Variants in PRKG1 observed in about 807,000 individuals in gnomAD.
PRKG1 encodes the protein protein kinase cGMP-dependent 1, also known as cGMP-dependent protein kinase 1.
PRKG1 carries 35 observed loss-of-function variants against 88.1 expected under a neutral mutation model. That is an observed-to-expected ratio of 0.40 (90% CI 0.30 to 0.53). The LOEUF (loss-of-function observed/expected upper bound fraction) is 0.53. PRKG1 is among the 20% of genes least tolerant of loss of function. The probability of loss-of-function intolerance (pLI) is 0.59; values close to 1 mark genes in which losing one functional copy is unlikely to be tolerated. For missense variants in PRKG1, 540 were observed against 839.8 expected (o/e 0.64, Z 4.41); for synonymous variants, 303 against 292.5 (o/e 1.04, Z -0.37).
chr10:51,636,878 T>C (rs917723205), intron 3 of PRKG1, among the ~76,000 whole-genome samples: 2 of 152,196 alleles, frequency 1.3e-5, no homozygotes, highest in Non-Finnish European at 2.9e-5. Flanking sequence ...TACTTGATGG[T>C]TTACTTTCCT....
intron 10 of PRKG1, among the ~76,000 whole-genome samples, chr10:52,268,923 A>G (rs1041633240): frequency 5.9e-5 from 9 of 151,974 alleles, no homozygotes; most frequent in East Asian, 3.9e-4. Flanking sequence ...CTCAGCTAGA[A>G]CTAGGGCTCA....
At chr10:51,907,642 G>A (rs1589410338) in intron 5 of PRKG1, 72 bp downstream of exon 5, 1 of 1,336,730 alleles carries the variant, frequency 7.5e-7, no homozygotes, top group East Asian at 2.3e-5. Flanking sequence ...TCACAGCTGT[G>A]TGATGAGGAA....
At chr10:51,316,109 A>G (rs1425659081) in intron 2 of PRKG1, among the ~76,000 whole-genome samples, 1 of 152,194 alleles carries the variant, frequency 6.6e-6, no homozygotes, top group Non-Finnish European at 1.5e-5. Flanking sequence ...TCTGTTTTCA[A>G]CAAACTTTTG....
chr10:51,268,168 G>T (rs560138322), intron 2 of PRKG1, among the ~76,000 whole-genome samples: 1 of 152,112 alleles, frequency 6.6e-6, no homozygotes, highest in African/African-American at 2.4e-5. Context: ...ATAGAGTGTG[G>T]GTCACAGAGA....
In PRKG1 at chr10:52,034,164, T is replaced by A. The variant is rs371253266; in HGVS notation, c.763-20320T>A. The stretch of plus-strand genomic sequence containing the variant: ...GGCCATCTGGGCGTACATGTGCAAA[T>A]CACAGGGGATGCCATGGCTTGGCTT... On this transcript the variant is annotated intron_variant, in intron 5 of 17. Coordinates refer to ENST00000373980, the MANE Select transcript of PRKG1 (RefSeq NM_006258.4). Among the ~76,000 whole-genome samples the A allele has an allele frequency of 5.9e-5, 9 of 152,084 alleles. No individual in the cohort carries two copies. The South Asian group carries it at 1.2e-3, about 21-fold the overall frequency.
At chr10:51,829,473 C>A (rs1372050159) in intron 4 of PRKG1, among the ~76,000 whole-genome samples, 1 of 152,002 alleles carries the variant, frequency 6.6e-6, no homozygotes, top group African/African-American at 2.4e-5. Flanking sequence ...AAGATAAAAT[C>A]TATGAAATAT....
chr10:52,058,183 C>T (rs1846154374), intron 6 of PRKG1, among the ~76,000 whole-genome samples: 1 of 151,962 alleles, frequency 6.6e-6, no homozygotes, highest in South Asian at 2.1e-4. Flanking sequence ...ATTGGTCACA[C>T]TTGCTATCTA....
chr10:51,304,139 T>A (rs942289986), intron 2 of PRKG1, among the ~76,000 whole-genome samples: 1 of 152,114 alleles, frequency 6.6e-6, no homozygotes, highest in African/African-American at 2.4e-5. Context: ...TAAAACATTG[T>A]AAATGATCAT....
chr10:51,876,911 C>A (rs145213100), intron 4 of PRKG1, among the ~76,000 whole-genome samples: 96 of 152,296 alleles, frequency 6.3e-4, no homozygotes, highest in African/African-American at 2.1e-3. Context: ...CAGTTCCCCA[C>A]AATGGAAATT....
chr10:52,066,361 C>A (rs1037531818), intron 7 of PRKG1, among the ~76,000 whole-genome samples: 9 of 152,256 alleles, frequency 5.9e-5, no homozygotes, highest in Admixed American at 1.3e-4. Context: ...TTGCATAATA[C>A]CTCAATGAAA....
At chr10:51,529,548 C>T (rs1279573714) in intron 3 of PRKG1, among the ~76,000 whole-genome samples, 1 of 152,116 alleles carries the variant, frequency 6.6e-6, no homozygotes, top group Non-Finnish European at 1.5e-5. Context: ...AATATACTTG[C>T]CTTCCTTTCC....
intron 9 of PRKG1, among the ~76,000 whole-genome samples, chr10:52,193,540 C>T (rs1163579703): frequency 1.5e-4 from 15 of 102,458 alleles, no homozygotes; most frequent in African/African-American, 6.0e-4. Context: ...AAGAGTGAGA[C>T]TCTGTCTCAA....
At chr10:52,026,187 G>C (rs913945032) in intron 5 of PRKG1, among the ~76,000 whole-genome samples, 5 of 152,052 alleles carry the variant, frequency 3.3e-5, no homozygotes, top group African/African-American at 1.2e-4. Context: ...AAAAAATACC[G>C]TGGGGATTTA....
At chr10:51,796,883 C>T (rs948269277) in intron 3 of PRKG1, among the ~76,000 whole-genome samples, 12 of 152,150 alleles carry the variant, frequency 7.9e-5, no homozygotes, top group Admixed American at 7.2e-4. Flanking sequence ...TTCATAAATA[C>T]CCGCTTATGT....
At chr10:51,896,815 T>G (rs1384645402) in intron 4 of PRKG1, among the ~76,000 whole-genome samples, 1 of 152,106 alleles carries the variant, frequency 6.6e-6, no homozygotes, top group African/African-American at 2.4e-5. Flanking sequence ...ATAAGGAGTT[T>G]AAACTTTTAT....
At chr10:51,172,117 C>T (rs1208396399) in intron 2 of PRKG1, among the ~76,000 whole-genome samples, 3 of 151,878 alleles carry the variant, frequency 2.0e-5, no homozygotes, top group African/African-American at 7.2e-5. Flanking sequence ...CATTTGCTTC[C>T]AAATAACAAT....
intron 1 of PRKG1, among the ~76,000 whole-genome samples, chr10:51,020,747 T>C (rs1843124892): frequency 6.6e-6 from 1 of 152,160 alleles, no homozygotes; most frequent in African/African-American, 2.4e-5. Flanking sequence ...CAGCAGGATT[T>C]TCACCAGCTT....
intron 5 of PRKG1, among the ~76,000 whole-genome samples, chr10:51,960,129 T>TTG (rs1301245670): frequency 6.6e-6 from 1 of 151,834 alleles, no homozygotes; most frequent in Non-Finnish European, 1.5e-5. Context: ...TTCCTTTTTT[T>TTG]TTTTTTAAGC....
chr10:51,590,820 G>A (rs1353314669), intron 3 of PRKG1, among the ~76,000 whole-genome samples: 1 of 151,942 alleles, frequency 6.6e-6, no homozygotes, highest in Non-Finnish European at 1.5e-5. Flanking sequence ...ATATGGGGGG[G>A]GTGGGGTGGT....
Sources: gnomAD v4.1 joint callset for allele counts (sites outside exome capture counted in the v4.1 genomes callset) on GRCh38, gnomAD v4.1.1 for gene constraint, MANE v1.5 for transcripts, NCBI Gene and HGNC (gene_info 2026-07-23, HGNC 2026-07-21) for gene names.